The following TFPI variants were observed in gnomAD, a reference collection of about 807,000 sequenced individuals.
TFPI encodes tissue factor pathway inhibitor, also known as anti-convertin.
In TFPI, 15 loss-of-function variants were observed where a neutral mutation model predicts 34.6. That is an observed-to-expected ratio of 0.43 (90% CI 0.29 to 0.67). The LOEUF is 0.67. Ranked by LOEUF, TFPI falls within the 30% of genes least tolerant of loss-of-function variation. TFPI has a pLI of 0.15. For synonymous variants in TFPI, 105 were observed against 120.1 expected, an observed-to-expected ratio of 0.87 and a Z score of 0.82; for missense variants, 301 against 364.0, an observed-to-expected ratio of 0.83 and a Z score of 1.41.
At chr2:187,478,517 G>T in intron 6 of TFPI, 2 of 1,121,274 alleles carry the variant, frequency 1.8e-6, no homozygotes, top group Admixed American at 3.2e-5. Context: ...GAACTCCTGA[G>T]AATATTCATT....
chr2:187,487,340 T>TACA (rs1693348880), intron 4 of TFPI, among the ~76,000 whole-genome samples: 1 of 151,154 alleles, frequency 6.6e-6, no homozygotes, highest in South Asian at 2.1e-4. Flanking sequence ...TGTAAGTACA[T>TACA]TTAGTTATGT....
intron 3 of TFPI, among the ~76,000 whole-genome samples, chr2:187,494,355 C>G (rs570195493): frequency 2.8e-4 from 43 of 152,272 alleles, no homozygotes; most frequent in African/African-American, 9.6e-4. Context: ...TAGCCATCTC[C>G]TCTTTTCAGA....
intron 2 of TFPI, among the ~76,000 whole-genome samples, chr2:187,501,776 T>A (rs1685868515): frequency 6.6e-6 from 1 of 152,122 alleles, no homozygotes; most frequent in South Asian, 2.1e-4. Flanking sequence ...ATTTTCTCTC[T>A]CCTAGCCCAA....
chr2:187,484,438 C>G (rs932942642), intron 5 of TFPI: 1 of 541,372 alleles, frequency 1.8e-6, no homozygotes, highest in Middle Eastern at 4.9e-4. Context: ...ATGTTTAAGT[C>G]ATCCCTTTAA....
intron 4 of TFPI, among the ~76,000 whole-genome samples, chr2:187,487,434 A>G (rs991512224): frequency 1.3e-5 from 2 of 151,432 alleles, no homozygotes; most frequent in Non-Finnish European, 3.0e-5. Flanking sequence ...AAGATTATCA[A>G]TGTGTCACAG....
At chr2:187,522,440 A>G (rs1687429453) in intron 1 of TFPI, among the ~76,000 whole-genome samples, 3 of 152,038 alleles carry the variant, frequency 2.0e-5, no homozygotes, top group African/African-American at 7.3e-5. Context: ...CAATGGGTAC[A>G]AAGTTTTAGT....
intron 1 of TFPI, among the ~76,000 whole-genome samples, chr2:187,526,357 C>T (rs1687676669): frequency 6.6e-6 from 1 of 151,964 alleles, no homozygotes; most frequent in African/African-American, 2.4e-5. Flanking sequence ...TCTAAAGATT[C>T]AGATCCATTG....
At chr2:187,535,303 T>A (rs1688190813) in intron 1 of TFPI, among the ~76,000 whole-genome samples, 1 of 152,142 alleles carries the variant, frequency 6.6e-6, no homozygotes. Context: ...CAGCACCACA[T>A]CACACTTATT....
At chr2:187,472,093 T>C (rs1468590661) in intron 6 of TFPI, among the ~76,000 whole-genome samples, 2 of 152,136 alleles carry the variant, frequency 1.3e-5, no homozygotes, top group Non-Finnish European at 2.9e-5. Context: ...ATCCATAATT[T>C]GATTCTTGCC....
chr2:187,475,978 A>G (rs1305988334), intron 6 of TFPI, among the ~76,000 whole-genome samples: 2 of 152,206 alleles, frequency 1.3e-5, no homozygotes, highest in Non-Finnish European at 2.9e-5. Flanking sequence ...TGAACAGGAG[A>G]AAGAGTTCTA....
At chr2:187,539,147 G>A (rs1688435594) in intron 1 of TFPI, among the ~76,000 whole-genome samples, 1 of 151,684 alleles carries the variant, frequency 6.6e-6, no homozygotes. Context: ...TGTTCATATG[G>A]ATTTCAATAA....
At chr2:187,472,609 A>G (rs1156834305) in intron 6 of TFPI, among the ~76,000 whole-genome samples, 1 of 152,238 alleles carries the variant, frequency 6.6e-6, no homozygotes, top group Non-Finnish European at 1.5e-5. Context: ...ACTATGTGGG[A>G]CAAGAAACTG....
chr2:187,523,927 A>G (rs1170385578), intron 1 of TFPI, among the ~76,000 whole-genome samples: 5 of 152,048 alleles, frequency 3.3e-5, no homozygotes, highest in African/African-American at 4.8e-5. Context: ...CCATCTCTAC[A>G]TTAGTAGGAA....
chr2:187,482,797 G>A (rs1054189361), intron 6 of TFPI, among the ~76,000 whole-genome samples: 3 of 151,906 alleles, frequency 2.0e-5, no homozygotes, highest in Non-Finnish European at 4.4e-5. Flanking sequence ...AGGGAGGATG[G>A]GGATGGGGGT....
At chr2:187,538,134 G>A (rs1431423601) in intron 1 of TFPI, among the ~76,000 whole-genome samples, 1 of 152,206 alleles carries the variant, frequency 6.6e-6, no homozygotes, top group Non-Finnish European at 1.5e-5. Flanking sequence ...TGCACTGTTG[G>A]TGGGAGTGTA....
intron 1 of TFPI, among the ~76,000 whole-genome samples, chr2:187,512,409 G>A (rs183295286): frequency 2.0e-4 from 31 of 151,814 alleles, no homozygotes; most frequent in African/African-American, 7.2e-4. Flanking sequence ...TAACCCAGCA[G>A]GTTTCCTAAC....
intron 1 of TFPI, chr2:187,544,535 T>C (rs994127315): frequency 6.6e-6 from 1 of 151,922 alleles, no homozygotes; most frequent in Non-Finnish European, 1.5e-5. Context: ...GTTGACTAAA[T>C]GTTTACTAAA....
At chr2:187,548,452 G>T (rs1044556637) in intron 1 of TFPI, among the ~76,000 whole-genome samples, 1 of 151,950 alleles carries the variant, frequency 6.6e-6, no homozygotes, top group Non-Finnish European at 1.5e-5. Context: ...TTCTGAGAGA[G>T]CTGGAAAAAA....
At chr2:187,472,824 C>T (rs1692127588) in intron 6 of TFPI, among the ~76,000 whole-genome samples, 1 of 152,004 alleles carries the variant, frequency 6.6e-6, no homozygotes, top group Admixed American at 6.6e-5. Context: ...CCAGCCTGAC[C>T]AACTAGGTGA....
Sources: gnomAD v4.1 joint callset for allele counts (sites outside exome capture counted in the v4.1 genomes callset) on GRCh38, gnomAD v4.1.1 for gene constraint, MANE v1.5 for transcripts, NCBI Gene and HGNC (gene_info 2026-07-23, HGNC 2026-07-21) for gene names.